The following KPNA1 variants were observed in gnomAD, a reference collection of about 807,000 sequenced individuals.
KPNA1 encodes importin subunit alpha-5.
Under a neutral mutation model 70.5 loss-of-function variants are expected in KPNA1, and 10 were observed. That is an observed-to-expected ratio of 0.14 (90% CI 0.09 to 0.24). The LOEUF is 0.24. KPNA1 is among the 10% of genes least tolerant of loss of function. The probability of loss-of-function intolerance (pLI) is 1.00; values close to 1 mark genes in which losing one functional copy is unlikely to be tolerated. For missense variants in KPNA1, 397 were observed against 637.9 expected (o/e 0.62, Z 4.07); for synonymous variants, 192 against 221.9 (o/e 0.87, Z 1.20).
At chr3:122,457,919 G>A in intron 5 of KPNA1, 1 of 1,224,648 alleles carries the variant, frequency 8.2e-7, no homozygotes, top group South Asian at 1.4e-5. Flanking sequence ...GCAGAGAACA[G>A]TGCCTGAGTC....
At chr3:122,460,132 A>G in intron 5 of KPNA1, 1 of 985,248 alleles carries the variant, frequency 1.0e-6, no homozygotes, top group Non-Finnish European at 1.2e-6. Context: ...TCAGGGCCCA[A>G]GCCTTTGAGA....
intron 1 of KPNA1, among the ~76,000 whole-genome samples, chr3:122,497,489 A>G (rs1424083795): frequency 2.6e-5 from 4 of 152,214 alleles, no homozygotes; most frequent in Non-Finnish European, 4.4e-5. Context: ...TTGCTTAAGA[A>G]ACTGCTCAAC....
chr3:122,511,560 T>C (rs1014902663), intron 1 of KPNA1, among the ~76,000 whole-genome samples: 3 of 152,192 alleles, frequency 2.0e-5, no homozygotes, highest in Admixed American at 6.5e-5. Flanking sequence ...ACTCTTCCAA[T>C]GTACAACCTC....
chr3:122,438,634 C>A (rs1049709075), intron 10 of KPNA1, among the ~76,000 whole-genome samples: 1 of 152,168 alleles, frequency 6.6e-6, no homozygotes, highest in Non-Finnish European at 1.5e-5. Flanking sequence ...GATCCACCTA[C>A]CTCAGCCTCC....
chr3:122,494,781 CAG>C (rs2076738447), intron 2 of KPNA1, among the ~76,000 whole-genome samples: 1 of 152,136 alleles, frequency 6.6e-6, no homozygotes, highest in Admixed American at 6.5e-5. Context: ...CAAGAAGAAA[CAG>C]AATAAAATGA....
chr3:122,428,451 T>G (rs2107713548), intron 12 of KPNA1, among the ~76,000 whole-genome samples: 1 of 152,186 alleles, frequency 6.6e-6, no homozygotes, highest in South Asian at 2.1e-4. Context: ...CTTTTTTGTG[T>G]GGGGGAGGAA....
intron 11 of KPNA1, among the ~76,000 whole-genome samples, chr3:122,434,642 C>T (rs1056425581): frequency 6.6e-6 from 1 of 152,146 alleles, no homozygotes; most frequent in African/African-American, 2.4e-5. Flanking sequence ...TTGGCATTGC[C>T]ATGCTATTCT....
At chr3:122,495,549 T>C (rs2076749482) in intron 2 of KPNA1, among the ~76,000 whole-genome samples, 1 of 152,088 alleles carries the variant, frequency 6.6e-6, no homozygotes, top group African/African-American at 2.4e-5. Flanking sequence ...TTCACCTAAA[T>C]GGATTATCTA....
chr3:122,499,290 T>C (rs2076797514), intron 1 of KPNA1, among the ~76,000 whole-genome samples: 1 of 152,258 alleles, frequency 6.6e-6, no homozygotes, highest in African/African-American at 2.4e-5. Flanking sequence ...AGCAGTCTTT[T>C]ACATTAAGCA....
chr3:122,499,789 A>G (rs2076805383), intron 1 of KPNA1, among the ~76,000 whole-genome samples: 1 of 151,724 alleles, frequency 6.6e-6, no homozygotes, highest in African/African-American at 2.4e-5. Flanking sequence ...AGACGGGTTT[A>G]TATTTTCTTG....
At chr3:122,509,965 G>C (rs1418053120) in intron 1 of KPNA1, among the ~76,000 whole-genome samples, 1 of 152,108 alleles carries the variant, frequency 6.6e-6, no homozygotes, top group African/African-American at 2.4e-5. Flanking sequence ...TATCCTAAAA[G>C]CTTCTAGAGA....
intron 2 of KPNA1, among the ~76,000 whole-genome samples, chr3:122,489,057 C>CGTGCGTGT (rs2076664913): frequency 7.6e-6 from 1 of 130,728 alleles, no homozygotes; most frequent in African/African-American, 2.9e-5. Flanking sequence ...TTTTTGCGTG[C>CGTGCGTGT]GTGTGTGTGT....
At chr3:122,446,407 T>C (rs913763152) in intron 9 of KPNA1, among the ~76,000 whole-genome samples, 1 of 152,206 alleles carries the variant, frequency 6.6e-6, no homozygotes, top group Non-Finnish European at 1.5e-5. Context: ...CTGAACAACC[T>C]GATCCTGAAT....
At chr3:122,489,288 T>G (rs1241330693) in intron 2 of KPNA1, among the ~76,000 whole-genome samples, 3 of 151,396 alleles carry the variant, frequency 2.0e-5, no homozygotes, top group African/African-American at 7.3e-5. Context: ...TTTGTTTGTT[T>G]TTTTTTGTTT....
At chr3:122,438,529 G>C (rs1190542490) in intron 10 of KPNA1, among the ~76,000 whole-genome samples, 1 of 151,942 alleles carries the variant, frequency 6.6e-6, no homozygotes, top group African/African-American at 2.4e-5. Context: ...TGGGATTACA[G>C]GCATGCGCCA....
rs535015384 is a variant in KPNA1 at position 122,485,503 on chromosome 3, A to G, written c.129+10934T>C. Among the ~76,000 whole-genome samples, 3 of 152,206 alleles carry G rather than the reference A, an allele frequency of 2.0e-5. No individual in the cohort carries two copies. In the South Asian group the frequency reaches 6.2e-4, roughly 32 times the overall value. On this transcript the variant is annotated intron_variant, in intron 2 of 13. Coordinates refer to ENST00000344337, the MANE Select transcript of KPNA1 (RefSeq NM_002264.4). ...AACATGTACCTCACATCAGATATAC[A>G]TGCTTGTTCTTTAAAATGTTACTTT...
chr3:122,508,045 T>TG lies in KPNA1; in HGVS notation c.-6+6711dup, dbSNP rs1343538316. Among the ~76,000 whole-genome samples, 12 of 151,760 alleles carry TG rather than the reference T, an allele frequency of 7.9e-5. No homozygotes were observed. In the South Asian group the frequency reaches 2.1e-3, roughly 27 times the overall value. ...GCACACAGTGGTCATTCAAATGCTGTGAAAAAATGAACAGAGGAGAAAACA... is the reference window on the plus strand; with the variant it reads ...GCACACAGTGGTCATTCAAATGCTGTGGAAAAAATGAACAGAGGAGAAAACA... On this transcript the variant is annotated intron_variant, in intron 1 of 13. Transcript: ENST00000344337.
chr3:122,432,800 G>A (rs1035787662), intron 12 of KPNA1: 4 of 152,216 alleles, frequency 2.6e-5, no homozygotes, highest in African/African-American at 7.2e-5. Flanking sequence ...TAAGCTGCTC[G>A]TCGGGCATGA....
intron 1 of KPNA1, among the ~76,000 whole-genome samples, chr3:122,505,274 C>CAAAAAAAAAAAAAAA (rs376502610): frequency 1.0e-5 from 1 of 99,544 alleles, no homozygotes; most frequent in Non-Finnish European, 1.9e-5. Context: ...CTGCATGCCT[C>CAAAAAAAAAAAAAAA]AAAAAAAAAA....
Sources: allele counts gnomAD v4.1 joint callset (sites outside exome capture counted in the v4.1 genomes callset), GRCh38; gene constraint gnomAD v4.1.1; transcripts MANE v1.5; gene names NCBI Gene and HGNC (gene_info 2026-07-23, HGNC 2026-07-21).